Variants in CDK8 observed in about 807,000 individuals in gnomAD.
CDK8 encodes cyclin-dependent kinase 8.
Under a neutral mutation model 71.5 loss-of-function variants are expected in CDK8, and 29 were observed. The ratio of observed to expected loss-of-function variants is 0.41; its 90% CI spans 0.30 to 0.55. The LOEUF is 0.55. CDK8 is among the 20% of genes least tolerant of loss of function. The pLI, the probability that CDK8 is intolerant of heterozygous loss-of-function variation, is 0.37. For synonymous variants in CDK8, 161 were observed against 192.1 expected (o/e 0.84, Z 1.34); for missense variants, 288 against 572.6 (o/e 0.50, Z 5.07).
Position 26,382,802 on chromosome 13 carries a change from T to C in CDK8, c.457-12T>C. ...CTGTCTACTGAAAAAAAACACTATT[T>C]TGTTTCCACAGAAACCTGCTAATAT... On this transcript the variant is annotated splice_polypyrimidine_tract_variant and intron_variant, in intron 4 of 12. Coordinates refer to ENST00000381527, the MANE Select transcript of CDK8 (RefSeq NM_001260.3). The C allele has an allele frequency of 1.3e-6, 2 of 1,577,178 alleles. No individual in the cohort carries two copies. Among genetic ancestry groups the C allele is most frequent in the Non-Finnish European group, 1.7e-6 (2 of 1,160,780 alleles).
At chr13:26,357,264 T>C (rs752051224) in intron 4 of CDK8, among the ~76,000 whole-genome samples, 8 of 152,198 alleles carry the variant, frequency 5.3e-5, no homozygotes, top group Non-Finnish European at 7.3e-5. Flanking sequence ...TGGAAATCTT[T>C]TTGAGCTGAG....
chr13:26,385,471 A>C, intron 6 of CDK8, 129 bp downstream of exon 6: 2 of 701,100 alleles, frequency 2.9e-6, no homozygotes, highest in Non-Finnish European at 4.3e-6. Context: ...GTGATGGCTC[A>C]TGCCTGTAAT....
At chr13:26,356,159 T>C (rs1873887308) in intron 4 of CDK8, among the ~76,000 whole-genome samples, 1 of 152,144 alleles carries the variant, frequency 6.6e-6, no homozygotes, top group Admixed American at 6.5e-5. Context: ...TGGTGCCCCC[T>C]AATATAGGCA....
chr13:26,281,030 C>G (rs1872724352), intron 1 of CDK8, among the ~76,000 whole-genome samples: 1 of 152,222 alleles, frequency 6.6e-6, no homozygotes, highest in Non-Finnish European at 1.5e-5. Flanking sequence ...TGGCTGGAGG[C>G]CAACCACAAT....
intron 4 of CDK8, among the ~76,000 whole-genome samples, chr13:26,358,225 G>C (rs969059572): frequency 2.0e-5 from 3 of 152,162 alleles, no homozygotes; most frequent in Non-Finnish European, 4.4e-5. Context: ...TGTGAACCCA[G>C]GAGGCAGAGC....
intron 4 of CDK8, among the ~76,000 whole-genome samples, chr13:26,367,947 T>C (rs979324734): frequency 1.3e-5 from 2 of 152,050 alleles, no homozygotes; most frequent in Non-Finnish European, 1.5e-5. Context: ...GAAGGGCAGA[T>C]TTGGCAGGGA....
chr13:26,340,302 A>G (rs887953700), intron 2 of CDK8, among the ~76,000 whole-genome samples: 2 of 152,130 alleles, frequency 1.3e-5, no homozygotes, highest in South Asian at 4.1e-4. Context: ...ACTTACTGTT[A>G]CTGATTACTA....
At chr13:26,314,755 G>A (rs887239865) in intron 1 of CDK8, among the ~76,000 whole-genome samples, 2 of 152,014 alleles carry the variant, frequency 1.3e-5, no homozygotes, top group African/African-American at 2.4e-5. Flanking sequence ...CATTTTATTC[G>A]GATAACTGTC....
intron 1 of CDK8, among the ~76,000 whole-genome samples, chr13:26,297,228 CA>C (rs1287349942): frequency 6.6e-6 from 1 of 152,008 alleles, no homozygotes; most frequent in African/African-American, 2.4e-5. Context: ...ATGCTTTGGT[CA>C]AATTATGAAT....
chr13:26,341,189 C>T (rs980549164), intron 2 of CDK8, among the ~76,000 whole-genome samples: 2 of 152,110 alleles, frequency 1.3e-5, no homozygotes, highest in African/African-American at 2.4e-5. Context: ...TGCAATGGCA[C>T]GATCTCGGCT....
chr13:26,356,918 T>G (rs1271829107), intron 4 of CDK8, among the ~76,000 whole-genome samples: 1 of 152,190 alleles, frequency 6.6e-6, no homozygotes, highest in Non-Finnish European at 1.5e-5. Flanking sequence ...TTCATAGATT[T>G]CTAATGCTAT....
In CDK8 at chr13:26,401,303, C is replaced by T. The variant is rs764161177; in HGVS notation, c.1066C>T (p.Arg356Ter). 3 of 1,614,078 alleles carry T rather than the reference C, an allele frequency of 1.9e-6. No homozygotes were observed. The highest frequency in any genetic ancestry group is 2.5e-6 in the Non-Finnish European group (3 of 1,179,974). Reference protein sequence around the residue: ...FAGCQIPYPKREFLTEEEPDD... With the variant: ...FAGCQIPYPK ...CGGTTGTCAAATCCCTTACCCAAAA[C>T]GAGAATTTTTAACGGAAGAAGAACC... is the stretch of plus-strand genomic sequence containing the variant. The change falls in exon 11 of 13, where the codon CGA becomes TGA. Residue 356 changes from arginine (R) to a stop codon, truncating the protein, a stop_gained. Coordinates refer to ENST00000381527, the MANE Select transcript of CDK8 (RefSeq NM_001260.3). LOFTEE classifies it high-confidence loss of function. The surrounding 1 kb of genome is among the most constrained non-coding windows in gnomAD (Gnocchi z 4.5).
intron 5 of CDK8, among the ~76,000 whole-genome samples, chr13:26,383,365 G>A (rs1317206598): frequency 6.6e-6 from 1 of 152,212 alleles, no homozygotes; most frequent in African/African-American, 2.4e-5. Flanking sequence ...CTGTCTCGTA[G>A]TAGGCCTTTC....
At chr13:26,290,671 A>G (rs1873251120) in intron 1 of CDK8, among the ~76,000 whole-genome samples, 1 of 152,194 alleles carries the variant, frequency 6.6e-6, no homozygotes, top group Non-Finnish European at 1.5e-5. Flanking sequence ...GTTGACGTTG[A>G]AGTGAGTTGA....
chr13:26,306,671 C>T (rs1318257814), intron 1 of CDK8, among the ~76,000 whole-genome samples: 1 of 148,844 alleles, frequency 6.7e-6, no homozygotes, highest in African/African-American at 2.5e-5. Context: ...TTCTGTCGCC[C>T]AGGCTGGAGT....
chr13:26,339,676 C>T (rs1343300434), intron 2 of CDK8, among the ~76,000 whole-genome samples: 7 of 142,904 alleles, frequency 4.9e-5, no homozygotes, highest in South Asian at 4.4e-4. Flanking sequence ...TTCAAGCCAG[C>T]GGAAAGATAT....
At chr13:26,316,264 G>C (rs1328430582) in intron 1 of CDK8, among the ~76,000 whole-genome samples, 3 of 152,178 alleles carry the variant, frequency 2.0e-5, no homozygotes, top group Admixed American at 6.5e-5. Context: ...GGAGACTGAG[G>C]TGGGAGGATC....
At chr13:26,353,964 T>C in intron 4 of CDK8, 84 bp downstream of exon 4, 1 of 1,168,342 alleles carries the variant, frequency 8.6e-7, no homozygotes, top group Non-Finnish European at 1.3e-6. Context: ...ACCAGTGCTA[T>C]ATGTAGGCCT....
At chr13:26,375,868 G>C (rs1874922039) in intron 4 of CDK8, among the ~76,000 whole-genome samples, 1 of 152,146 alleles carries the variant, frequency 6.6e-6, no homozygotes, top group South Asian at 2.1e-4. Context: ...TTCTACTTTT[G>C]AGATTTTATC....
Sources: gnomAD v4.1 joint callset for allele counts (sites outside exome capture counted in the v4.1 genomes callset) on GRCh38, gnomAD v4.1.1 for gene constraint, Gnocchi (gnomAD v3.1) non-coding constraint, MANE v1.5 for transcripts, NCBI Gene and HGNC (gene_info 2026-07-23, HGNC 2026-07-21) for gene names.